The following SUCLG2 variants were observed in gnomAD, a reference collection of about 807,000 sequenced individuals.
SUCLG2 encodes the protein succinate-CoA ligase GDP-forming subunit beta.
A neutral mutation model predicts 47.9 loss-of-function variants in SUCLG2; 42 were observed. That is an observed-to-expected ratio of 0.88 (90% confidence interval 0.69 to 1.14). SUCLG2 has a LOEUF of 1.14. SUCLG2 is among the 50% of genes most tolerant of loss of function. SUCLG2 has a pLI of 0.00. For missense variants in SUCLG2, 571 were observed against 525.9 expected (o/e 1.09, Z -0.84); for synonymous variants, 195 against 197.3 (o/e 0.99, Z 0.10).
chr3:67,521,698 C>A (rs990649855), intron 4 of SUCLG2, among the ~76,000 whole-genome samples: 5 of 151,948 alleles, frequency 3.3e-5, no homozygotes, highest in African/African-American at 1.2e-4. Flanking sequence ...TGCCTCCCTG[C>A]AACCTCTGCC....
chr3:67,416,566 T>C (rs1277936539), intron 9 of SUCLG2, among the ~76,000 whole-genome samples: 2 of 152,198 alleles, frequency 1.3e-5, no homozygotes, highest in Non-Finnish European at 2.9e-5. Context: ...CTTATTTCTC[T>C]GACATGAGTA....
intron 10 of SUCLG2, among the ~76,000 whole-genome samples, chr3:67,390,418 C>A (rs1702355155): frequency 6.6e-6 from 1 of 152,180 alleles, no homozygotes; most frequent in Non-Finnish European, 1.5e-5. Context: ...ATAATAATTA[C>A]AAGCTGTTTC....
intron 9 of SUCLG2, among the ~76,000 whole-genome samples, chr3:67,491,253 A>G (rs1194215702): frequency 2.6e-5 from 4 of 151,126 alleles, no homozygotes; most frequent in Non-Finnish European, 5.9e-5. Flanking sequence ...AAAAGAGAGA[A>G]AAGAAAAGAA....
At chr3:67,557,798 T>C (rs1250563110) in intron 2 of SUCLG2, among the ~76,000 whole-genome samples, 1 of 152,196 alleles carries the variant, frequency 6.6e-6, no homozygotes, top group Non-Finnish European at 1.5e-5. Context: ...TCAGTGTTTC[T>C]AAGAGTTCCA....
At chr3:67,441,486 C>T (rs1703762649) in intron 9 of SUCLG2, among the ~76,000 whole-genome samples, 1 of 152,108 alleles carries the variant, frequency 6.6e-6, no homozygotes, top group Admixed American at 6.5e-5. Context: ...TGCGTGTGAG[C>T]TTGAAAACAT....
At chr3:67,403,720 T>C (rs1390197978) in intron 9 of SUCLG2, among the ~76,000 whole-genome samples, 2 of 151,992 alleles carry the variant, frequency 1.3e-5, no homozygotes, top group Admixed American at 1.3e-4. Flanking sequence ...GGATCTGAGA[T>C]AAAGGGAGCA....
intron 1 of SUCLG2, among the ~76,000 whole-genome samples, chr3:67,625,231 T>A (rs149373220): frequency 3.4e-4 from 52 of 152,248 alleles, no homozygotes; most frequent in African/African-American, 1.2e-3. Flanking sequence ...GAAATAAGCT[T>A]AAGTGAGTGG....
chr3:67,394,077 C>CA (rs1314586414), intron 10 of SUCLG2, among the ~76,000 whole-genome samples: 3 of 152,080 alleles, frequency 2.0e-5, no homozygotes, highest in Non-Finnish European at 2.9e-5. Flanking sequence ...GGGGAAAAAA[C>CA]AGAGCAGAAA....
intron 10 of SUCLG2, among the ~76,000 whole-genome samples, chr3:67,391,429 T>C (rs1702379402): frequency 6.6e-6 from 1 of 152,126 alleles, no homozygotes; most frequent in Non-Finnish European, 1.5e-5. Context: ...TTTGGTCTGC[T>C]GGAGGAGAGA....
chr3:67,389,927 G>A (rs770886490), intron 10 of SUCLG2, among the ~76,000 whole-genome samples: 66 of 152,284 alleles, frequency 4.3e-4, no homozygotes, highest in Non-Finnish European at 5.9e-4. Flanking sequence ...TCTAGCTAGG[G>A]AGAGTGAGGT....
At chr3:67,576,316 G>A (rs1280801822) in intron 2 of SUCLG2, among the ~76,000 whole-genome samples, 2 of 152,062 alleles carry the variant, frequency 1.3e-5, no homozygotes, top group Non-Finnish European at 2.9e-5. Flanking sequence ...TGAAGAGAGA[G>A]ACACAGTATG....
chr3:67,556,146 A>G (rs1707153224), intron 2 of SUCLG2, among the ~76,000 whole-genome samples: 1 of 152,212 alleles, frequency 6.6e-6, no homozygotes, highest in African/African-American at 2.4e-5. Flanking sequence ...AATGTTCCAG[A>G]GTAGAAGAGA....
At chr3:67,405,720 G>C (rs1702789107) in intron 9 of SUCLG2, among the ~76,000 whole-genome samples, 1 of 152,172 alleles carries the variant, frequency 6.6e-6, no homozygotes. Context: ...CTTCGCAGCT[G>C]TCCACAGAAT....
At chr3:67,512,568 T>C (rs191410796) in intron 6 of SUCLG2, among the ~76,000 whole-genome samples, 3,141 of 150,270 alleles carry the variant, frequency 0.021, 273 homozygotes, top group African/African-American at 0.071. Flanking sequence ...TGGGTACACA[T>C]ATATATATAT....
intron 10 of SUCLG2, among the ~76,000 whole-genome samples, chr3:67,380,435 T>C (rs986394897): frequency 6.6e-6 from 1 of 152,280 alleles, no homozygotes; most frequent in Admixed American, 6.5e-5. Context: ...TCCCAGCTGC[T>C]CCTTCAGTGC....
chr3:67,627,575 C>T (rs766314324), intron 1 of SUCLG2, among the ~76,000 whole-genome samples: 7 of 152,226 alleles, frequency 4.6e-5, no homozygotes, highest in Non-Finnish European at 7.3e-5. Context: ...CTCTGCGGGG[C>T]TGATAATCCT....
At chr3:67,379,315 C>A (rs1434330200) in intron 10 of SUCLG2, among the ~76,000 whole-genome samples, 4 of 152,178 alleles carry the variant, frequency 2.6e-5, no homozygotes, top group Non-Finnish European at 2.9e-5. Flanking sequence ...TTCTTTTGAG[C>A]ACCTTCCAAT....
chr3:67,370,344 A>G (rs912919654), downstream of SUCLG2, among the ~76,000 whole-genome samples: 1 of 152,210 alleles, frequency 6.6e-6, no homozygotes, highest in African/African-American at 2.4e-5. Flanking sequence ...TCTTTTAACT[A>G]GAGGTCCAAA....
chr3:67,469,838 G>A (rs1200407121), intron 9 of SUCLG2, among the ~76,000 whole-genome samples: 1 of 151,950 alleles, frequency 6.6e-6, no homozygotes. Flanking sequence ...CTGAGGTCAG[G>A]AGTTCGAGAC....
Sources: gnomAD v4.1 joint callset for allele counts (sites outside exome capture counted in the v4.1 genomes callset) on GRCh38, gnomAD v4.1.1 for gene constraint, MANE v1.5 for transcripts, NCBI Gene and HGNC (gene_info 2026-07-23, HGNC 2026-07-21) for gene names.